The following MAST2 variants were observed in gnomAD, a reference collection of about 807,000 sequenced individuals.
MAST2 encodes the protein microtubule-associated serine/threonine-protein kinase 2.
MAST2 carries 70 observed loss-of-function variants against 147.4 expected under a neutral mutation model. The ratio of observed to expected loss-of-function variants is 0.47; its 90% CI spans 0.39 to 0.58. The LOEUF is 0.58. Ranked by LOEUF, MAST2 falls within the 20% of genes least tolerant of loss-of-function variation. MAST2 has a pLI of 0.00. For missense variants in MAST2, 2,080 were observed against 2,302.3 expected (o/e 0.90, Z 1.98); for synonymous variants, 869 against 896.8 (o/e 0.97, Z 0.55).
chr1:45,897,182 G>A (rs1245185732), intron 4 of MAST2, among the ~76,000 whole-genome samples: 2 of 152,110 alleles, frequency 1.3e-5, no homozygotes, highest in Non-Finnish European at 2.9e-5. Flanking sequence ...CAGATTGCAG[G>A]CAGCAATACA....
At position 45,824,535 on chromosome 1, in the gene MAST2, G is replaced by A. The variant is rs1211797514; in HGVS notation, c.280G>A (p.Asp94Asn). 2 of 1,609,936 alleles carry A rather than the reference G, an allele frequency of 1.2e-6. No individual in the cohort carries two copies. Among genetic ancestry groups the A allele is most frequent in the Non-Finnish European group, 1.7e-6 (2 of 1,177,594 alleles). ...KVKLQRQLSQ[D>N]DCKLWRGNLA... ...TAAACTTCAGCGACAACTGAGTCAG[G>A]ATGATTGTAAGTTATGGAGAGGAAA... is the stretch of plus-strand genomic sequence containing the variant. Residue 94 changes from aspartate (D) to asparagine (N), a missense_variant, in exon 2 of 29, where the codon GAT becomes AAT. By Grantham distance (23) the Asp-to-Asn change is conservative. This residue lies in a region of MAST2 where 569 missense variants were observed against 642.5 expected (regional missense o/e 0.89). Coordinates refer to ENST00000361297, the MANE Select transcript of MAST2 (RefSeq NM_015112.3).
At chr1:46,029,988 C>G (rs1410761762) in intron 20 of MAST2, 35 bp downstream of exon 20, 1 of 1,612,478 alleles carries the variant, frequency 6.2e-7, no homozygotes, top group African/African-American at 1.3e-5. Flanking sequence ...GAGGATGGGT[C>G]CTACCTGTTT....
intron 5 of MAST2, among the ~76,000 whole-genome samples, chr1:45,978,063 A>G (rs1644246920): frequency 6.6e-6 from 1 of 152,090 alleles, no homozygotes; most frequent in African/African-American, 2.4e-5. Context: ...TATTTAAAAA[A>G]CAAAAACAAA....
rs766434246 is a variant in MAST2 at position 46,025,777 on chromosome 1, C to G, written c.1881C>G (p.His627Gln). The change falls in exon 16 of 29, where the codon CAC becomes CAG. Residue 627 changes from histidine (H) to glutamine (Q), a missense_variant. Physicochemically the swap from His to Gln is conservative, Grantham distance 24 (BLOSUM62 0). Around this residue, in one of 4 missense-constraint regions of MAST2, gnomAD observed 209 missense variants for 309.5 expected, o/e 0.68. Transcript: ENST00000361297. Reference sequence around the variant, plus strand: ...CTGTGCTGGCCCTGGAGTACTTACACAACTATGGCATCGTGCACCGTGACC... The same window carrying G: ...CTGTGCTGGCCCTGGAGTACTTACAGAACTATGGCATCGTGCACCGTGACC... The part of the protein sequence containing the change: ...AETVLALEYL[H>Q]NYGIVHRDLK... The G allele has an allele frequency of 6.2e-7, 1 of 1,614,220 alleles. No individual in the cohort carries two copies. Among genetic ancestry groups the G allele is most frequent in the South Asian group, 1.1e-5 (1 of 91,090 alleles).
chr1:45,866,804 G>A (rs953130770), intron 3 of MAST2, among the ~76,000 whole-genome samples: 5 of 151,712 alleles, frequency 3.3e-5, no homozygotes, highest in Non-Finnish European at 7.4e-5. Context: ...GTGCAGTGGC[G>A]TGATCTTGGC....
Position 46,034,676 on chromosome 1 carries a change from A to C in MAST2, c.4007A>C (p.Lys1336Thr). Reference sequence around the variant, plus strand: ...CGCCAGTACCGCTCTCCACGGCGCAAGTCAGCAGGCAGCATCCCACTGTCA... The same window carrying C: ...CGCCAGTACCGCTCTCCACGGCGCACGTCAGCAGGCAGCATCCCACTGTCA... ...LQRQYRSPRR[K>T]SAGSIPLSPL... Residue 1336 changes from lysine to threonine, a missense_variant, in exon 29 of 29, where the codon AAG becomes ACG. Physicochemically the swap from Lys to Thr is moderately conservative, Grantham distance 78. Around this residue, in one of 4 missense-constraint regions of MAST2, gnomAD observed 1,278 missense variants for 1,304.2 expected, o/e 0.98. Transcript: ENST00000361297. The C allele has an allele frequency of 6.2e-7, 1 of 1,614,148 alleles. No homozygotes were observed.
chr1:45,882,763 C>T (rs778658135), intron 4 of MAST2, among the ~76,000 whole-genome samples: 9 of 152,144 alleles, frequency 5.9e-5, no homozygotes, highest in East Asian at 3.8e-4. Flanking sequence ...TACATCTATC[C>T]GGTAACATGG....
intron 4 of MAST2, among the ~76,000 whole-genome samples, chr1:45,937,031 C>T (rs1338829289): frequency 8.6e-6 from 1 of 116,430 alleles, no homozygotes; most frequent in African/African-American, 3.3e-5. Context: ...CATTATACCA[C>T]CATGCCTGGG....
chr1:45,804,374 C>T (rs1010424887), intron 1 of MAST2, among the ~76,000 whole-genome samples: 2 of 151,996 alleles, frequency 1.3e-5, no homozygotes, highest in Non-Finnish European at 2.9e-5. Flanking sequence ...AACGAGTAGG[C>T]TTACTAAAGA....
intron 16 of MAST2, 42 bp from the exon 17 acceptor site, chr1:46,027,689 A>T (rs1483145428): frequency 1.9e-6 from 3 of 1,592,920 alleles, no homozygotes; most frequent in Non-Finnish European, 2.6e-6. Flanking sequence ...ACTCTCAGAA[A>T]ACCAGGAATA....
At chr1:45,896,606 A>C (rs1023267941) in intron 4 of MAST2, among the ~76,000 whole-genome samples, 14 of 152,156 alleles carry the variant, frequency 9.2e-5, no homozygotes, top group African/African-American at 3.4e-4. Flanking sequence ...ACAGTCAGAA[A>C]GGTTGGGGAA....
At chr1:46,032,087 T>A (rs1000946353) in intron 24 of MAST2, 91 bp from the exon 25 acceptor site, 7 of 989,978 alleles carry the variant, frequency 7.1e-6, no homozygotes, top group Admixed American at 3.5e-5. Context: ...AGGCTCTGTC[T>A]GTGACTAGAG....
chr1:45,973,028 T>C (rs1363308120), intron 5 of MAST2, among the ~76,000 whole-genome samples: 2 of 152,188 alleles, frequency 1.3e-5, no homozygotes, highest in Non-Finnish European at 2.9e-5. Flanking sequence ...GAATCTTACA[T>C]ATCATTAATT....
At chr1:46,019,550 A>G (rs1383804894) in intron 10 of MAST2, 46 bp from the exon 11 acceptor site, 1 of 1,525,994 alleles carries the variant, frequency 6.6e-7, no homozygotes, top group East Asian at 2.3e-5. Flanking sequence ...TGCTTAGCCC[A>G]GCCACACTGG....
At chr1:45,956,706 A>G (rs1052386734) in intron 4 of MAST2, among the ~76,000 whole-genome samples, 5 of 152,220 alleles carry the variant, frequency 3.3e-5, no homozygotes, top group African/African-American at 1.2e-4. Context: ...ATCAAGTGTC[A>G]CTATAGCCAT....
chr1:45,848,533 G>C (rs544221916), intron 3 of MAST2, among the ~76,000 whole-genome samples: 62 of 152,266 alleles, frequency 4.1e-4, no homozygotes, highest in Non-Finnish European at 5.6e-4. Flanking sequence ...TGTCTTATGT[G>C]ACTTCACTGG....
At chr1:45,964,639 C>T (rs1176408099) in intron 5 of MAST2, among the ~76,000 whole-genome samples, 1 of 152,054 alleles carries the variant, frequency 6.6e-6, no homozygotes, top group Admixed American at 6.6e-5. Context: ...AGCAGTCTAT[C>T]AATTTTGTTG....
chr1:45,918,501 C>CAA (rs1652921350), intron 4 of MAST2, among the ~76,000 whole-genome samples: 1 of 152,190 alleles, frequency 6.6e-6, no homozygotes, highest in South Asian at 2.1e-4. Flanking sequence ...TGCAATGGCA[C>CAA]AATCTCTCCT....
intron 1 of MAST2, among the ~76,000 whole-genome samples, chr1:45,805,052 ATTTTT>A (rs10681055): frequency 7.0e-6 from 1 of 143,556 alleles, no homozygotes; most frequent in Non-Finnish European, 1.5e-5. Context: ...TTCCTTAGAC[ATTTTT>A]TTTTTTTTTT....
Sources: allele counts gnomAD v4.1 joint callset (sites outside exome capture counted in the v4.1 genomes callset), GRCh38; gene constraint gnomAD v4.1.1; regional missense constraint gnomAD v4.1.1; transcripts MANE v1.5; gene names NCBI Gene and HGNC (gene_info 2026-07-23, HGNC 2026-07-21).